MACROD2: variants seen among roughly 807,000 people sequenced by gnomAD.
MACROD2 encodes ADP-ribose glycohydrolase MACROD2.
In MACROD2, 36 loss-of-function variants were observed where a neutral mutation model predicts 70.4. The ratio of observed to expected loss-of-function variants is 0.51; its 90% CI spans 0.39 to 0.68. MACROD2 has a LOEUF of 0.68. Among genes scored for constraint, MACROD2 ranks in the 30% least tolerant of loss-of-function variants. The pLI, the probability that MACROD2 is intolerant of heterozygous loss-of-function variation, is 0.00. For missense variants in MACROD2, 496 were observed against 538.4 expected, an observed-to-expected ratio of 0.92 and a Z score of 0.78; for synonymous variants, 172 against 178.8, an observed-to-expected ratio of 0.96 and a Z score of 0.30.
intron 3 of MACROD2, among the ~76,000 whole-genome samples, chr20:14,228,219 A>T (rs1346818331): frequency 6.6e-6 from 1 of 152,004 alleles, no homozygotes; most frequent in East Asian, 1.9e-4. Flanking sequence ...TGTAGACAAT[A>T]AAGCAAGTGA....
chr20:15,250,337 C>G (rs940764163), intron 6 of MACROD2, among the ~76,000 whole-genome samples: 2 of 152,144 alleles, frequency 1.3e-5, no homozygotes, highest in Admixed American at 1.3e-4. Flanking sequence ...TTACTATACC[C>G]CCACTGGTGA....
At chr20:15,611,271 G>A (rs2048965573) in intron 8 of MACROD2, among the ~76,000 whole-genome samples, 1 of 151,992 alleles carries the variant, frequency 6.6e-6, no homozygotes, top group Non-Finnish European at 1.5e-5. Context: ...GAGTCTCAAA[G>A]AAGTTACCTG....
chr20:15,497,189 G>A (rs1452735815), intron 7 of MACROD2, among the ~76,000 whole-genome samples: 1 of 152,148 alleles, frequency 6.6e-6, no homozygotes, highest in Non-Finnish European at 1.5e-5. Flanking sequence ...TTAAAGGGAA[G>A]TATCCAGGCG....
chr20:15,651,830 A>G (rs544719474), intron 8 of MACROD2, among the ~76,000 whole-genome samples: 2 of 152,192 alleles, frequency 1.3e-5, no homozygotes, highest in South Asian at 4.2e-4. Flanking sequence ...GCACTAATGA[A>G]AAGATAATTT....
At chr20:14,163,722 T>C (rs1204471162) in intron 3 of MACROD2, among the ~76,000 whole-genome samples, 2 of 151,336 alleles carry the variant, frequency 1.3e-5, no homozygotes, top group Non-Finnish European at 2.9e-5. Context: ...CGTCTTCTGC[T>C]TGATTTAGTT....
intron 6 of MACROD2, among the ~76,000 whole-genome samples, chr20:15,286,915 A>G (rs888151663): frequency 9.2e-5 from 14 of 152,150 alleles, no homozygotes; most frequent in African/African-American, 3.1e-4. Context: ...TACATATTAG[A>G]GAAGAGAGAA....
intron 3 of MACROD2, among the ~76,000 whole-genome samples, chr20:14,486,863 G>A (rs956598710): frequency 2.0e-5 from 3 of 152,032 alleles, no homozygotes; most frequent in Non-Finnish European, 4.4e-5. Context: ...CCCAGAAGAG[G>A]AAAACATAGA....
chr20:15,923,295 C>T lies in MACROD2; in HGVS notation c.776-9981C>T, dbSNP rs868310449. ...GAAGTGAAAGACTCTTCTTCCATGGCGGTGGCAAGAGAAAATGAGGAAGAA... is the reference window on the plus strand; with the variant it reads ...GAAGTGAAAGACTCTTCTTCCATGGTGGTGGCAAGAGAAAATGAGGAAGAA... On this transcript the variant is annotated intron_variant, in intron 10 of 17. Coordinates refer to ENST00000684519, the MANE Select transcript of MACROD2 (RefSeq NM_001351661.2). Among the ~76,000 whole-genome samples, 23 of 152,196 alleles carry T rather than the reference C, an allele frequency of 1.5e-4. 1 individual carries two copies. The Middle Eastern group carries it at 0.014, about 90-fold the overall frequency.
chr20:15,112,203 ATCT>A (rs1271627163), intron 5 of MACROD2, among the ~76,000 whole-genome samples: 6 of 152,190 alleles, frequency 3.9e-5, no homozygotes, highest in Non-Finnish European at 7.4e-5. Flanking sequence ...GACAAAATAT[ATCT>A]TCTTAATCAT....
chr20:15,739,693 T>C (rs1038937648), intron 8 of MACROD2, among the ~76,000 whole-genome samples: 1 of 152,178 alleles, frequency 6.6e-6, no homozygotes, highest in East Asian at 1.9e-4. Flanking sequence ...TATAGACTCC[T>C]TTATGAAAGA....
chr20:14,673,717 G>A (rs756730478), intron 4 of MACROD2, among the ~76,000 whole-genome samples: 10 of 151,910 alleles, frequency 6.6e-5, no homozygotes, highest in Admixed American at 2.0e-4. Context: ...TGAGGAGTTC[G>A]ACACTAGCCT....
intron 3 of MACROD2, among the ~76,000 whole-genome samples, chr20:14,479,130 A>G (rs2084632418): frequency 6.6e-6 from 1 of 152,114 alleles, no homozygotes; most frequent in African/African-American, 2.4e-5. Context: ...TGAGGCCAGA[A>G]GCTTGTTGAG....
intron 12 of MACROD2, among the ~76,000 whole-genome samples, chr20:15,946,750 A>G (rs1387879392): frequency 6.6e-6 from 1 of 152,180 alleles, no homozygotes; most frequent in Non-Finnish European, 1.5e-5. Flanking sequence ...ACACAGAGAC[A>G]AAGTATAGAG....
intron 4 of MACROD2, among the ~76,000 whole-genome samples, chr20:14,592,219 GAGA>G (rs1182815398): frequency 6.6e-6 from 1 of 152,192 alleles, no homozygotes; most frequent in Admixed American, 6.5e-5. Context: ...ATTTTTGAAT[GAGA>G]AGGTTACATG....
chr20:14,853,384 T>C (rs2073220628), intron 5 of MACROD2, among the ~76,000 whole-genome samples: 1 of 151,734 alleles, frequency 6.6e-6, no homozygotes. Context: ...GCTTCCTGGG[T>C]TTTTTCTGGT....
intron 16 of MACROD2, 151 bp from the exon 17 acceptor site, chr20:16,044,420 G>A (rs950996100): frequency 5.9e-6 from 4 of 681,490 alleles, no homozygotes; most frequent in Non-Finnish European, 9.8e-6. Context: ...AAATCTACAA[G>A]AATAGTCCCC....
At chr20:14,125,633 A>T (rs949399533) in intron 3 of MACROD2, among the ~76,000 whole-genome samples, 2 of 152,138 alleles carry the variant, frequency 1.3e-5, no homozygotes, top group African/African-American at 4.8e-5. Context: ...GCATGTACAT[A>T]TTTGTGAAAT....
At chr20:14,703,488 G>A (rs1440694488) in intron 5 of MACROD2, among the ~76,000 whole-genome samples, 2 of 152,138 alleles carry the variant, frequency 1.3e-5, no homozygotes, top group Non-Finnish European at 2.9e-5. Flanking sequence ...GAGAACTCTA[G>A]GCTGAGAGCC....
At chr20:15,693,020 C>T (rs904881130) in intron 8 of MACROD2, among the ~76,000 whole-genome samples, 1 of 152,096 alleles carries the variant, frequency 6.6e-6, no homozygotes, top group Non-Finnish European at 1.5e-5. Flanking sequence ...ATGCTAAAGA[C>T]GTGTTTGCTT....
Sources: allele counts gnomAD v4.1 joint callset (sites outside exome capture counted in the v4.1 genomes callset), GRCh38; gene constraint gnomAD v4.1.1; transcripts MANE v1.5; gene names NCBI Gene and HGNC (gene_info 2026-07-23, HGNC 2026-07-21).